DNAH7: variants seen among roughly 807,000 people sequenced by gnomAD.
The protein encoded by DNAH7 is dynein axonemal heavy chain 7.
DNAH7 carries 397 observed loss-of-function variants against 444.6 expected under a neutral mutation model. The ratio of observed to expected loss-of-function variants is 0.89; its 90% CI spans 0.82 to 0.97. The LOEUF is 0.97. DNAH7 is among the 50% of genes least tolerant of loss of function. The pLI is 0.00. For missense variants in DNAH7, 4,902 were observed against 4,800.8 expected (o/e 1.02, Z -0.62); for synonymous variants, 1,636 against 1,624.4 (o/e 1.01, Z -0.17).
intron 47 of DNAH7, among the ~76,000 whole-genome samples, chr2:195,844,652 A>C (rs1421240465): frequency 6.6e-6 from 1 of 152,196 alleles, no homozygotes; most frequent in Admixed American, 6.5e-5. Flanking sequence ...ATCACCACCA[A>C]TGACACACTA....
chr2:195,783,280 A>G (rs890297104), intron 58 of DNAH7, among the ~76,000 whole-genome samples: 2 of 152,332 alleles, frequency 1.3e-5, no homozygotes, highest in African/African-American at 4.8e-5. Flanking sequence ...CTGGGTTATC[A>G]TGATAGTCTC....
Position 195,923,700 on chromosome 2 carries a change from C to G in DNAH7, c.3720G>C (p.Val1240=). ...MQNRVTLGAL[V]VLDVHARDVL... ...CATCTCTAGCATGGACATCCAGTACCACAAGTGCTCCCAGAGTTACGCGAT... is the reference window on the plus strand; with the variant it reads ...CATCTCTAGCATGGACATCCAGTACGACAAGTGCTCCCAGAGTTACGCGAT... The change falls in exon 23 of 65, where the codon GTG becomes GTC. Residue 1240 remains valine (V), a synonymous_variant. Transcript: ENST00000312428. 1 of 1,614,094 alleles carries G rather than the reference C, an allele frequency of 6.2e-7. No individual in the cohort carries two copies. Among genetic ancestry groups the G allele is most frequent in the Non-Finnish European group, 8.5e-7 (1 of 1,180,010 alleles).
At chr2:196,040,453 T>A (rs1696669043) in intron 5 of DNAH7, among the ~76,000 whole-genome samples, 1 of 152,074 alleles carries the variant, frequency 6.6e-6, no homozygotes, top group African/African-American at 2.4e-5. Context: ...ATACACCACA[T>A]CAACCAAAGA....
chr2:196,017,251 G>C (rs1445397883), intron 9 of DNAH7, among the ~76,000 whole-genome samples: 1 of 152,150 alleles, frequency 6.6e-6, no homozygotes, highest in Non-Finnish European at 1.5e-5. Flanking sequence ...CTGACCTTGT[G>C]ATCCACCCAC....
chr2:195,909,351 T>G (rs1687222100), intron 25 of DNAH7, among the ~76,000 whole-genome samples: 1 of 152,178 alleles, frequency 6.6e-6, no homozygotes, highest in African/African-American at 2.4e-5. Context: ...TCACCTAACA[T>G]TTTAAGGAAT....
At position 196,009,218 on chromosome 2, in the gene DNAH7, A is replaced by C. The variant is rs559727328; in HGVS notation, c.989+3569T>G. Among the ~76,000 whole-genome samples the C allele has an allele frequency of 5.3e-5, 8 of 152,332 alleles. No individual in the cohort carries two copies. The East Asian group carries it at 1.3e-3, about 26-fold the overall frequency. The stretch of plus-strand genomic sequence containing the variant: ...TTTCAATATGAGATTTGGAGGGGAC[A>C]AGCATCCAAACTATACGGCATGGTG... On this transcript the variant is annotated intron_variant, in intron 10 of 64. Coordinates refer to ENST00000312428, the MANE Select transcript of DNAH7 (RefSeq NM_018897.3).
Position 195,862,850 on chromosome 2 carries a change from A to G in DNAH7, c.7507-904T>C, listed in dbSNP as rs181620270. On this transcript the variant is annotated intron_variant, in intron 41 of 64. Coordinates refer to ENST00000312428, the MANE Select transcript of DNAH7 (RefSeq NM_018897.3). ...CAGGAGTTCAAGACCAGCCTGGCCA[A>G]CATGGTGAAATCCCGTCTCTACTAA... 1.4e-3 allele frequency among the ~76,000 whole-genome samples: 216 copies of G among 152,334 alleles called. 1 individual carries two copies. The highest frequency in any genetic ancestry group is 4.7e-3 in the African/African-American group (197 of 41,570).
chr2:195,911,193 A>G (rs976081403), intron 24 of DNAH7, among the ~76,000 whole-genome samples: 22 of 152,334 alleles, frequency 1.4e-4, no homozygotes, highest in Non-Finnish European at 2.4e-4. Context: ...TCTCTATGGT[A>G]TCCTGGCGGT....
intron 51 of DNAH7, among the ~76,000 whole-genome samples, chr2:195,812,400 T>C (rs1288270761): frequency 6.6e-6 from 1 of 152,204 alleles, no homozygotes; most frequent in African/African-American, 2.4e-5. Context: ...CAATTACATA[T>C]ACATGCATAT....
intron 19 of DNAH7, among the ~76,000 whole-genome samples, chr2:195,949,376 C>T (rs1015847123): frequency 3.9e-5 from 6 of 152,078 alleles, no homozygotes; most frequent in African/African-American, 9.7e-5. Context: ...CTCTGCCTCC[C>T]GAGTTCAAGC....
chr2:195,796,517 G>A (rs1247901095), intron 56 of DNAH7, 59 bp downstream of exon 56: 22 of 1,579,116 alleles, frequency 1.4e-5, no homozygotes, highest in Non-Finnish European at 1.8e-5. Flanking sequence ...CGAATGTTAT[G>A]TATATTACTA....
chr2:195,887,764 T>C (rs1701788452), intron 33 of DNAH7, among the ~76,000 whole-genome samples: 1 of 152,162 alleles, frequency 6.6e-6, no homozygotes, highest in Non-Finnish European at 1.5e-5. Context: ...CTGAAGCTCA[T>C]CAACTCTCAG....
intron 19 of DNAH7, among the ~76,000 whole-genome samples, chr2:195,949,923 GAA>G (rs1453711612): frequency 6.6e-6 from 1 of 152,128 alleles, no homozygotes; most frequent in Non-Finnish European, 1.5e-5. Flanking sequence ...TGTATATGTT[GAA>G]CTAGCCTTGC....
At chr2:195,910,808 G>A (rs142992267) in intron 24 of DNAH7, among the ~76,000 whole-genome samples, 104 of 152,258 alleles carry the variant, frequency 6.8e-4, no homozygotes, top group African/African-American at 2.5e-3. Context: ...CTACTGGAGA[G>A]AGACAAAGAA....
chr2:195,892,281 A>G (rs758891141), intron 30 of DNAH7, among the ~76,000 whole-genome samples: 1 of 152,154 alleles, frequency 6.6e-6, no homozygotes, highest in Non-Finnish European at 1.5e-5. Flanking sequence ...TTGGGGCTGA[A>G]TTTGGCCCAT....
At chr2:195,842,166 G>A (rs185982795) in intron 47 of DNAH7, among the ~76,000 whole-genome samples, 1 of 152,120 alleles carries the variant, frequency 6.6e-6, no homozygotes, top group African/African-American at 2.4e-5. Flanking sequence ...TTACCAAGCT[G>A]TTAAATAATC....
At chr2:195,858,360 T>G in intron 43 of DNAH7, 114 bp downstream of exon 43, 1 of 878,584 alleles carries the variant, frequency 1.1e-6, no homozygotes, top group South Asian at 3.2e-5. Context: ...TGATTTCAGC[T>G]TCATTAAAAT....
At chr2:195,747,108 TAATA>T (rs779228033) in intron 63 of DNAH7, among the ~76,000 whole-genome samples, 2 of 151,886 alleles carry the variant, frequency 1.3e-5, no homozygotes, top group Non-Finnish European at 2.9e-5. Flanking sequence ...CTAGCAAGAC[TAATA>T]AAGAAGAAAA....
Position 195,910,098 on chromosome 2 carries a change from C to G in DNAH7, c.4033G>C (p.Val1345Leu). 6.2e-7 allele frequency: 1 copy of G among 1,613,912 alleles called. No individual in the cohort carries two copies. Among genetic ancestry groups the G allele is most frequent in the Non-Finnish European group, 8.5e-7 (1 of 1,179,886 alleles). Reference sequence around the variant, plus strand: ...TTGAAAACAACACATTGTTTGGCTACAGCTTTTGCCAAATCCTTGGTAGTT... The same window carrying G: ...TTGAAAACAACACATTGTTTGGCTAGAGCTTTTGCCAAATCCTTGGTAGTT... ...TETTKDLAKA[V>L]AKQCVVFNCS... Residue 1345 changes from valine (V) to leucine (L), a missense_variant, in exon 25 of 65, where the codon GTA (valine) becomes CTA (leucine). Physicochemically the swap from Val to Leu is conservative, Grantham distance 32 (BLOSUM62 1). Coordinates refer to ENST00000312428, the MANE Select transcript of DNAH7 (RefSeq NM_018897.3).
Sources: gnomAD v4.1 joint callset for allele counts (sites outside exome capture counted in the v4.1 genomes callset) on GRCh38, gnomAD v4.1.1 for gene constraint, MANE v1.5 for transcripts, NCBI Gene and HGNC (gene_info 2026-07-23, HGNC 2026-07-21) for gene names.